Variants in LRP6 observed in about 807,000 individuals in gnomAD.
LRP6 encodes LDL receptor related protein 6.
In LRP6, 43 loss-of-function variants were observed where a neutral mutation model predicts 184.1. The observed-to-expected ratio is 0.23, with a 90% CI of 0.18 to 0.30. The LOEUF is 0.30. Among genes scored for constraint, LRP6 ranks in the 10% least tolerant of loss-of-function variants. LRP6 has a pLI of 1.00. For missense variants in LRP6, 1,571 were observed against 2,005.3 expected (o/e 0.78, Z 4.14); for synonymous variants, 719 against 684.9 (o/e 1.05, Z -0.78).
chr12:12,153,041 A>G (rs550259145), intron 12 of LRP6, among the ~76,000 whole-genome samples: 17 of 152,366 alleles, frequency 1.1e-4, no homozygotes, highest in Non-Finnish European at 1.9e-4. Context: ...ACATTGATTT[A>G]ACAACTTTTA....
At chr12:12,265,345 T>C (rs1271908277) in intron 1 of LRP6, among the ~76,000 whole-genome samples, 1 of 152,146 alleles carries the variant, frequency 6.6e-6, no homozygotes, top group Non-Finnish European at 1.5e-5. Context: ...GAGTATCAAG[T>C]AATATAACAT....
chr12:12,250,246 A>T (rs1485820646), intron 1 of LRP6, among the ~76,000 whole-genome samples: 1 of 152,134 alleles, frequency 6.6e-6, no homozygotes, highest in Non-Finnish European at 1.5e-5. Context: ...AGGACTCTAA[A>T]TTAATCTTTT....
chr12:12,119,235 G>C lies in LRP6; in HGVS notation c.*1891C>G, dbSNP rs1442056286. On this transcript the variant is annotated 3_prime_UTR_variant, in exon 23 of 23. Coordinates refer to ENST00000261349, the MANE Select transcript of LRP6 (RefSeq NM_002336.3). ...TTTTATCTTCAAAAACTTTACTTAG[G>C]TATTTTTAACTTGCATGAACAGTTA... 6.6e-6 allele frequency: 1 copy of C among 151,936 alleles called. No homozygotes were observed. Among genetic ancestry groups the C allele is most frequent in the Non-Finnish European group, 1.5e-5 (1 of 67,990 alleles). The allele number at this position is 151,936 out of a possible 1,614,324, so 9.4% of individuals were successfully genotyped here.
chr12:12,209,016 C>A (rs917084533), intron 2 of LRP6, among the ~76,000 whole-genome samples: 2 of 152,194 alleles, frequency 1.3e-5, no homozygotes, highest in Non-Finnish European at 2.9e-5. Context: ...TATCTTTAAA[C>A]AAACAAGTGT....
At chr12:12,181,532 T>C (rs1018371138) in intron 5 of LRP6, 93 bp from the exon 6 acceptor site, 8 of 752,952 alleles carry the variant, frequency 1.1e-5, no homozygotes, top group Non-Finnish European at 1.9e-5. Context: ...AAAATAAATA[T>C]AAAATATACA....
chr12:12,210,497 G>A (rs902419732), intron 2 of LRP6, among the ~76,000 whole-genome samples: 1 of 152,170 alleles, frequency 6.6e-6, no homozygotes, highest in Non-Finnish European at 1.5e-5. Context: ...GTGAAAGTTG[G>A]TTAGAAAAGG....
chr12:12,175,502 A>G (rs1178579630), intron 7 of LRP6, among the ~76,000 whole-genome samples: 1 of 151,970 alleles, frequency 6.6e-6, no homozygotes, highest in Non-Finnish European at 1.5e-5. Context: ...CCTGGCTAAC[A>G]CAGTGAAACC....
chr12:12,145,107 G>T (rs1949984055), intron 15 of LRP6, among the ~76,000 whole-genome samples: 1 of 151,852 alleles, frequency 6.6e-6, no homozygotes, highest in African/African-American at 2.4e-5. Context: ...CATTCAGATT[G>T]CAACAGAAGG....
At chr12:12,245,903 T>C (rs1368349292) in intron 1 of LRP6, among the ~76,000 whole-genome samples, 1 of 151,946 alleles carries the variant, frequency 6.6e-6, no homozygotes, top group African/African-American at 2.4e-5. Context: ...TCCTCTCCAC[T>C]GCATAACACA....
At chr12:12,237,291 T>C (rs1864951711) in intron 2 of LRP6, among the ~76,000 whole-genome samples, 1 of 152,046 alleles carries the variant, frequency 6.6e-6, no homozygotes. Context: ...CTAATATAAA[T>C]AACTGAATAA....
Position 12,250,472 on chromosome 12 carries a change from CATG to C in LRP6, c.56-5820_56-5818del, listed in dbSNP as rs144209531. ...TTTAATCCTTAGTCTTTAGTACTTA[CATG>C]ATATTAGCTTTTTTTTTTTTTAAGC... On this transcript the variant is annotated intron_variant, in intron 1 of 22. Coordinates refer to ENST00000261349, the MANE Select transcript of LRP6 (RefSeq NM_002336.3). Among the ~76,000 whole-genome samples, 435 of 150,582 alleles carry C rather than the reference CATG, an allele frequency of 2.9e-3. 3 individuals carry two copies. Among genetic ancestry groups the C allele is most frequent in the African/African-American group, 0.01 (409 of 40,526 alleles).
At chr12:12,124,517 C>T in intron 22 of LRP6, 48 bp downstream of exon 22, 2 of 1,362,280 alleles carry the variant, frequency 1.5e-6, no homozygotes, top group Non-Finnish European at 2.1e-6. Flanking sequence ...ACAACTGAAA[C>T]ACTTTCAATA....
intron 1 of LRP6, 105 bp from the exon 2 acceptor site, chr12:12,244,760 A>C (rs560717267): frequency 9.9e-7 from 1 of 1,006,014 alleles, no homozygotes; most frequent in Non-Finnish European, 1.5e-6. Flanking sequence ...TGTCGAAAAT[A>C]AGAAAAGAAT....
rs984110213 is a variant in LRP6, at chr12:12,256,867, A to C, written c.55+9814T>G. Among the ~76,000 whole-genome samples, 12 of 152,326 alleles carry C rather than the reference A, an allele frequency of 7.9e-5. No individual in the cohort carries two copies. In the Middle Eastern group the frequency reaches 0.01, roughly 130 times the overall value. ...GATTCAGAAATAATTTCTCAAGGTA[A>C]AGACTCCAATAATCAAACCCACACT... On this transcript the variant is annotated intron_variant, in intron 1 of 22. Coordinates refer to ENST00000261349, the MANE Select transcript of LRP6 (RefSeq NM_002336.3).
intron 14 of LRP6, among the ~76,000 whole-genome samples, chr12:12,147,819 C>A (rs1420507702): frequency 6.6e-6 from 1 of 151,470 alleles, no homozygotes; most frequent in Non-Finnish European, 1.5e-5. Context: ...AAAAAATACC[C>A]CAAAAATTAG....
chr12:12,199,714 C>A (rs1307178151), intron 3 of LRP6, among the ~76,000 whole-genome samples: 1 of 151,936 alleles, frequency 6.6e-6, no homozygotes, highest in African/African-American at 2.4e-5. Context: ...GCCTGTAATT[C>A]CAGCACTTTG....
At position 12,205,341 on chromosome 12, in the gene LRP6, AAAAAAAAAAAAAAAAG is replaced by A. The variant is rs926864103; in HGVS notation, c.450-1957_450-1942del. Among the ~76,000 whole-genome samples the A allele has an allele frequency of 2.2e-3, 313 of 142,808 alleles. 5 individuals carry two copies. Among genetic ancestry groups the A allele is most frequent in the African/African-American group, 7.8e-3 (284 of 36,296 alleles). 93.7% of individuals were successfully genotyped at this position (142,808 alleles called of 152,430 possible). ...TGTCTCAAACAAACAAAAAAAAAAAAAAAAAAAAAAAAAAAGAGGTAATGAGGGTGCTATGAAACAG... is the reference window on the plus strand; with the variant it reads ...TGTCTCAAACAAACAAAAAAAAAAAAAGGTAATGAGGGTGCTATGAAACAG... On this transcript the variant is annotated intron_variant, in intron 2 of 22. Transcript: ENST00000261349.
At chr12:12,238,706 A>G (rs1322592697) in intron 2 of LRP6, among the ~76,000 whole-genome samples, 1 of 152,138 alleles carries the variant, frequency 6.6e-6, no homozygotes, top group African/African-American at 2.4e-5. Context: ...ATTTTTAGAC[A>G]AAGACCAAGA....
intron 3 of LRP6, among the ~76,000 whole-genome samples, chr12:12,194,875 C>G (rs1863711831): frequency 6.6e-6 from 1 of 152,032 alleles, no homozygotes; most frequent in African/African-American, 2.4e-5. Context: ...TCCTTCCCAG[C>G]CTCTAGTATC....
Sources: allele counts gnomAD v4.1 joint callset (sites outside exome capture counted in the v4.1 genomes callset), GRCh38; gene constraint gnomAD v4.1.1; transcripts MANE v1.5; gene names NCBI Gene and HGNC (gene_info 2026-07-23, HGNC 2026-07-21).